XKR9: variants seen among roughly 807,000 people sequenced by gnomAD.
XKR9 encodes the protein XK related 9.
Under a neutral mutation model 32.0 loss-of-function variants are expected in XKR9, and 32 were observed. That is an observed-to-expected ratio of 1.00 (90% confidence interval 0.76 to 1.34). The LOEUF (loss-of-function observed/expected upper bound fraction) is 1.34. XKR9 is among the 40% of genes most tolerant of loss of function. The pLI, the probability that XKR9 is intolerant of heterozygous loss-of-function variation, is 0.00. For missense variants in XKR9, 546 were observed against 429.7 expected (o/e 1.27, Z -2.39); for synonymous variants, 168 against 143.4 (o/e 1.17, Z -1.22).
At chr8:70,689,337 G>C (rs1471662778) in intron 3 of XKR9, among the ~76,000 whole-genome samples, 1 of 151,604 alleles carries the variant, frequency 6.6e-6, no homozygotes, top group Non-Finnish European at 1.5e-5. Flanking sequence ...AAATCTGAAT[G>C]ACTATATACT....
chr8:70,938,826 T>C, the XKR9 span, among the ~76,000 whole-genome samples: 1 of 152,140 alleles, frequency 6.6e-6, no homozygotes, highest in African/African-American at 2.4e-5. Flanking sequence ...ACAAGAGCCT[T>C]TCTCATCTCT....
At chr8:71,024,520 G>T in the XKR9 span, among the ~76,000 whole-genome samples, 1 of 152,120 alleles carries the variant, frequency 6.6e-6, no homozygotes, top group South Asian at 2.1e-4. Context: ...CTCTTAAAAT[G>T]GCACCATTCT....
chr8:70,993,337 T>G, the XKR9 span, among the ~76,000 whole-genome samples: 84 of 152,302 alleles, frequency 5.5e-4, no homozygotes, highest in Non-Finnish European at 8.8e-5. Context: ...AAATTGACTT[T>G]ACTCTTCTTG....
the XKR9 span, among the ~76,000 whole-genome samples, chr8:70,944,134 C>T: frequency 7.4e-6 from 1 of 134,558 alleles, no homozygotes; most frequent in Non-Finnish European, 1.8e-5. Flanking sequence ...GAAAGTTATT[C>T]CCCCCGCCAA....
chr8:70,682,304 G>T (rs1344997975), intron 3 of XKR9, among the ~76,000 whole-genome samples: 1 of 152,124 alleles, frequency 6.6e-6, no homozygotes, highest in East Asian at 1.9e-4. Context: ...GCAATATTGA[G>T]AATTATGTAG....
the XKR9 span, among the ~76,000 whole-genome samples, chr8:71,054,408 C>G: frequency 6.6e-6 from 1 of 152,164 alleles, no homozygotes; most frequent in Non-Finnish European, 1.5e-5. Flanking sequence ...CTTTTGGCCA[C>G]CATGTAGCAC....
At chr8:70,706,309 T>A (rs1266206116) in intron 3 of XKR9, among the ~76,000 whole-genome samples, 1 of 152,138 alleles carries the variant, frequency 6.6e-6, no homozygotes, top group African/African-American at 2.4e-5. Context: ...TGACCAGGGA[T>A]ATTTCAAGAG....
At chr8:71,000,919 G>T in the XKR9 span, among the ~76,000 whole-genome samples, 6 of 152,326 alleles carry the variant, frequency 3.9e-5, no homozygotes, top group East Asian at 9.6e-4. Context: ...TCTTGGAAGG[G>T]TAACAAGAGT....
chr8:71,042,806 A>T, the XKR9 span, among the ~76,000 whole-genome samples: 1 of 152,220 alleles, frequency 6.6e-6, no homozygotes, highest in African/African-American at 2.4e-5. Context: ...GTCCTTCGTT[A>T]CATGAGCCAT....
the XKR9 span, among the ~76,000 whole-genome samples, chr8:70,975,448 T>C: frequency 1.3e-5 from 2 of 152,196 alleles, no homozygotes; most frequent in Non-Finnish European, 2.9e-5. Context: ...CCAGTTTCAG[T>C]TTTCTATAAA....
the XKR9 span, among the ~76,000 whole-genome samples, chr8:70,811,987 A>G: frequency 2.0e-5 from 3 of 152,062 alleles, no homozygotes; most frequent in Non-Finnish European, 4.4e-5. Context: ...AGACACAACC[A>G]AAAAAGAGAA....
chr8:70,850,463 CA>C, the XKR9 span, among the ~76,000 whole-genome samples: 169 of 73,974 alleles, frequency 2.3e-3, no homozygotes, highest in African/African-American at 4.5e-3. Context: ...GACTCCTTCT[CA>C]AAAAAAAAAA....
At chr8:70,766,223 C>A (rs1288300290) in intron 2 of XKR9, among the ~76,000 whole-genome samples, 1 of 152,108 alleles carries the variant, frequency 6.6e-6, no homozygotes, top group Non-Finnish European at 1.5e-5. Context: ...GGTATTGATT[C>A]TTTCTACCCA....
chr8:70,692,302 G>C (rs1805102691), intron 3 of XKR9, among the ~76,000 whole-genome samples: 1 of 152,092 alleles, frequency 6.6e-6, no homozygotes, highest in East Asian at 1.9e-4. Flanking sequence ...TTTATCAGCT[G>C]AAGGAGCTTT....
At position 70,708,376 on chromosome 8, in the gene XKR9, T is replaced by C. The variant is rs12678138; in HGVS notation, c.493+1223T>C. ...TCTTTATATTCAATCTTCATCTATATAGTTTCTTCTTGAAGTAGGAAATTG... is the reference window on the plus strand; with the variant it reads ...TCTTTATATTCAATCTTCATCTATACAGTTTCTTCTTGAAGTAGGAAATTG... On this transcript the variant is annotated intron_variant, in intron 4 of 4. Coordinates refer to ENST00000408926, the MANE Select transcript of XKR9 (RefSeq NM_001011720.2). Among the ~76,000 whole-genome samples, 101 of 152,232 alleles carry C rather than the reference T, an allele frequency of 6.6e-4. No individual in the cohort carries two copies. The East Asian group carries it at 0.019, about 28-fold the overall frequency.
At chr8:70,695,622 G>A (rs1246870977) in intron 3 of XKR9, among the ~76,000 whole-genome samples, 1 of 151,838 alleles carries the variant, frequency 6.6e-6, no homozygotes, top group Non-Finnish European at 1.5e-5. Flanking sequence ...ATTGTGAATA[G>A]TGCTGCAATA....
At chr8:70,976,839 G>C in the XKR9 span, among the ~76,000 whole-genome samples, 1 of 152,080 alleles carries the variant, frequency 6.6e-6, no homozygotes, top group Non-Finnish European at 1.5e-5. Context: ...CTGTGAATCT[G>C]TCTGGTCCTG....
At chr8:70,834,669 T>A in the XKR9 span, among the ~76,000 whole-genome samples, 1 of 152,142 alleles carries the variant, frequency 6.6e-6, no homozygotes, top group Non-Finnish European at 1.5e-5. Flanking sequence ...GTGTAATAAA[T>A]CCTTGCGTAT....
chr8:70,778,744 CTGTT>C (rs1427052118), intron 2 of XKR9, among the ~76,000 whole-genome samples: 7 of 152,200 alleles, frequency 4.6e-5, no homozygotes, highest in South Asian at 4.2e-4. Flanking sequence ...ATTTGGGTCT[CTGTT>C]TGTCTGTTAT....
Sources: allele counts gnomAD v4.1 joint callset (sites outside exome capture counted in the v4.1 genomes callset), GRCh38; gene constraint gnomAD v4.1.1; transcripts MANE v1.5; gene names NCBI Gene and HGNC (gene_info 2026-07-23, HGNC 2026-07-21).